Variants in GHR observed in about 807,000 individuals in gnomAD.
GHR encodes growth hormone receptor.
A neutral mutation model predicts 67.1 loss-of-function variants in GHR; 35 were observed. That is an observed-to-expected ratio of 0.52 (90% CI 0.40 to 0.69). GHR has a LOEUF of 0.69. Among genes scored for constraint, GHR ranks in the 30% least tolerant of loss-of-function variants. The pLI is 0.00. For missense variants in GHR, 792 were observed against 764.6 expected, an observed-to-expected ratio of 1.04 and a Z score of -0.42; for synonymous variants, 272 against 269.1, an observed-to-expected ratio of 1.01 and a Z score of -0.10.
chr5:42,582,266 C>T (rs371822643), intron 2 of GHR, among the ~76,000 whole-genome samples: 2 of 152,334 alleles, frequency 1.3e-5, no homozygotes, highest in East Asian at 1.9e-4. Context: ...CAGGGATGGC[C>T]GGAAGCCTTG....
At chr5:42,693,397 C>G (rs1757513196) in intron 4 of GHR, among the ~76,000 whole-genome samples, 1 of 151,984 alleles carries the variant, frequency 6.6e-6, no homozygotes, top group Non-Finnish European at 1.5e-5. Flanking sequence ...CCTCAGCCTC[C>G]GAAAGTGCTG....
At chr5:42,577,253 T>C (rs1318962129) in intron 2 of GHR, among the ~76,000 whole-genome samples, 2 of 152,234 alleles carry the variant, frequency 1.3e-5, no homozygotes, top group East Asian at 3.9e-4. Flanking sequence ...ATTCAGCAAA[T>C]ATAAAAAAGG....
chr5:42,653,962 G>C (rs1225297755), intron 3 of GHR, among the ~76,000 whole-genome samples: 1 of 152,140 alleles, frequency 6.6e-6, no homozygotes, highest in Non-Finnish European at 1.5e-5. Flanking sequence ...AGTTATTTTA[G>C]TTCTATCAAA....
At chr5:42,536,333 G>A (rs182657220) in intron 1 of GHR, among the ~76,000 whole-genome samples, 14 of 152,196 alleles carry the variant, frequency 9.2e-5, no homozygotes, top group Admixed American at 9.2e-4. Context: ...ATTGAGGTAT[G>A]CCCCTTGTAT....
At chr5:42,703,333 T>C (rs1265803442) in intron 6 of GHR, among the ~76,000 whole-genome samples, 1 of 152,082 alleles carries the variant, frequency 6.6e-6, no homozygotes, top group Non-Finnish European at 1.5e-5. Flanking sequence ...CTGTGTATTC[T>C]TAGCACCTTT....
intron 1 of GHR, among the ~76,000 whole-genome samples, chr5:42,444,776 G>A (rs1369284855): frequency 6.6e-6 from 1 of 151,648 alleles, no homozygotes; most frequent in African/African-American, 2.4e-5. Flanking sequence ...CATTCTTCTT[G>A]TCTTTCGAGG....
chr5:42,495,796 A>G (rs1415345424), intron 1 of GHR, among the ~76,000 whole-genome samples: 1 of 152,206 alleles, frequency 6.6e-6, no homozygotes, highest in Non-Finnish European at 1.5e-5. Context: ...ATTTAGCTCT[A>G]CAAGTCTCCA....
At chr5:42,627,653 G>A (rs1753770106) in intron 2 of GHR, among the ~76,000 whole-genome samples, 1 of 152,242 alleles carries the variant, frequency 6.6e-6, no homozygotes, top group African/African-American at 2.4e-5. Context: ...AAACCCCTAG[G>A]GGGAGAATAC....
intron 1 of GHR, chr5:42,467,739 G>A: frequency 6.4e-7 from 1 of 1,555,630 alleles, no homozygotes; most frequent in Non-Finnish European, 8.9e-7. Context: ...CCCCGGTGTG[G>A]ATTCTCTGAT....
intron 3 of GHR, among the ~76,000 whole-genome samples, chr5:42,676,568 C>T (rs1756583280): frequency 6.6e-6 from 1 of 152,028 alleles, no homozygotes; most frequent in South Asian, 2.1e-4. Flanking sequence ...GTTTCATAAC[C>T]ACTTGATAAC....
intron 1 of GHR, among the ~76,000 whole-genome samples, chr5:42,477,246 G>A (rs1579778620): frequency 2.0e-5 from 3 of 152,126 alleles, no homozygotes; most frequent in African/African-American, 4.8e-5. Flanking sequence ...ATTCCATGGT[G>A]TATATGTGCC....
intron 3 of GHR, among the ~76,000 whole-genome samples, chr5:42,652,667 A>G (rs1302098249): frequency 6.6e-6 from 1 of 152,180 alleles, no homozygotes; most frequent in Non-Finnish European, 1.5e-5. Context: ...TTTACCAGGT[A>G]AACTAAGCAC....
intron 1 of GHR, among the ~76,000 whole-genome samples, chr5:42,558,960 C>G (rs1749455708): frequency 6.6e-6 from 1 of 152,104 alleles, no homozygotes; most frequent in South Asian, 2.1e-4. Context: ...TTGTACTAAG[C>G]TTTCAATTCT....
In GHR at chr5:42,468,154, T is replaced by TC. The variant is rs1447171201; in HGVS notation, c.-12+44200dup. The stretch of plus-strand genomic sequence containing the variant: ...CACCTTTTCTTCCTCTTCTGATCCA[T>TC]CAAGGCCTGTCTGACGAAACTCCCC... On this transcript the variant is annotated intron_variant, in intron 1 of 9. Coordinates refer to ENST00000230882, the MANE Select transcript of GHR (RefSeq NM_000163.5). 9 of 1,311,902 alleles carry TC rather than the reference T, an allele frequency of 6.9e-6. No homozygotes were observed. The Admixed American group carries it at 1.5e-4, about 22-fold the overall frequency. 81.3% of individuals were successfully genotyped at this position (1,311,902 alleles called of 1,614,324 possible).
rs1249903381 is a variant in GHR at position 42,700,009 on chromosome 5, T to A, written c.618+7T>A. On this transcript the variant is annotated splice_region_variant and intron_variant, in intron 6 of 9. Transcript: ENST00000230882. ...TGAAACTAAATGGAAAATGGTAAGA[T>A]GTTGCTACACCTTACACTTTGACTT... 1 of 1,546,824 alleles carries A rather than the reference T, an allele frequency of 6.5e-7. No homozygotes were observed. Among genetic ancestry groups the A allele is most frequent in the African/African-American group, 1.4e-5 (1 of 73,796 alleles).
At position 42,548,521 on chromosome 5, in the gene GHR, G is replaced by A. The variant is rs908731148; in HGVS notation, c.-11-17343G>A. The A allele has an allele frequency of 1.7e-5, 17 of 980,040 alleles. No individual in the cohort carries two copies. In the East Asian group the frequency reaches 6.8e-4, roughly 39 times the overall value. The allele number at this position is 980,040 out of a possible 1,614,324, so 60.7% of individuals were successfully genotyped here. On this transcript the variant is annotated intron_variant, in intron 1 of 9. Coordinates refer to ENST00000230882, the MANE Select transcript of GHR (RefSeq NM_000163.5). The stretch of plus-strand genomic sequence containing the variant: ...AGCCTCTATTTCAGCAATATCTGCC[G>A]GACTATTGGTTAGTATTCCCTTACT...
intron 2 of GHR, among the ~76,000 whole-genome samples, chr5:42,628,165 G>C (rs1580084786): frequency 6.6e-6 from 1 of 152,134 alleles, no homozygotes; most frequent in East Asian, 1.9e-4. Flanking sequence ...TGGTGTGCTG[G>C]TCTGTTGGTC....
chr5:42,544,182 G>A (rs73751206), intron 1 of GHR, among the ~76,000 whole-genome samples: 4,103 of 152,134 alleles, frequency 0.027, 191 homozygotes, highest in African/African-American at 0.094. Context: ...TAGTGAGAGG[G>A]CCTTCCTTAA....
chr5:42,449,997 C>T (rs948545525), intron 1 of GHR, among the ~76,000 whole-genome samples: 2 of 152,014 alleles, frequency 1.3e-5, no homozygotes, highest in South Asian at 2.1e-4. Context: ...GTATGAAACC[C>T]GCTTGATCAT....
Sources: allele counts gnomAD v4.1 joint callset (sites outside exome capture counted in the v4.1 genomes callset), GRCh38; gene constraint gnomAD v4.1.1; transcripts MANE v1.5; gene names NCBI Gene and HGNC (gene_info 2026-07-23, HGNC 2026-07-21).